The following SLC35F3 variants were observed in gnomAD, a reference collection of about 807,000 sequenced individuals.
SLC35F3 encodes putative thiamine transporter SLC35F3.
In SLC35F3, 25 loss-of-function variants were observed where a neutral mutation model predicts 49.9. The ratio of observed to expected loss-of-function variants is 0.50; its 90% CI spans 0.37 to 0.70. The LOEUF is 0.70. SLC35F3 is among the 30% of genes least tolerant of loss of function. The pLI is 0.00. For synonymous variants in SLC35F3, 275 were observed against 265.4 expected (o/e 1.04, Z -0.35); for missense variants, 525 against 639.8 (o/e 0.82, Z 1.94).
chr1:234,187,266 G>A (rs549121240), intron 2 of SLC35F3, among the ~76,000 whole-genome samples: 6 of 152,288 alleles, frequency 3.9e-5, no homozygotes, highest in African/African-American at 7.2e-5. Context: ...CCTCCTAGGC[G>A]AATGGAAAAC....
intron 3 of SLC35F3, among the ~76,000 whole-genome samples, chr1:234,257,773 C>G (rs1667844749): frequency 1.3e-5 from 2 of 152,170 alleles, no homozygotes; most frequent in South Asian, 2.1e-4. Context: ...ATAGCTAATA[C>G]AGTGGATGGC....
intron 2 of SLC35F3, among the ~76,000 whole-genome samples, chr1:234,121,891 A>G (rs576282818): frequency 6.6e-6 from 1 of 152,146 alleles, no homozygotes; most frequent in South Asian, 2.1e-4. Context: ...AAGGACATGA[A>G]CTCATCCTTT....
In SLC35F3 at chr1:234,017,668, C is replaced by T. The variant is rs567129413; in HGVS notation, c.283+111910C>T. Among the ~76,000 whole-genome samples, 7 of 142,696 alleles carry T rather than the reference C, an allele frequency of 4.9e-5. No individual in the cohort carries two copies. The East Asian group carries it at 6.3e-4, about 13-fold the overall frequency. 93.6% of individuals were successfully genotyped at this position (142,696 alleles called of 152,430 possible). ...GGCGGAGCTTGCAGTGAGCCGAGAT[C>T]GCACCACTGTACTCCAGCCTGGGAG... On this transcript the variant is annotated intron_variant, in intron 2 of 7. Coordinates refer to ENST00000366618, the MANE Select transcript of SLC35F3 (RefSeq NM_173508.4).
chr1:234,198,520 T>C (rs148279078), intron 2 of SLC35F3, among the ~76,000 whole-genome samples: 1 of 152,354 alleles, frequency 6.6e-6, no homozygotes, highest in Non-Finnish European at 1.5e-5. Flanking sequence ...ATGAGGACTG[T>C]AATTTCTCTA....
intron 3 of SLC35F3, among the ~76,000 whole-genome samples, chr1:234,245,439 G>GTTTATCACA (rs1422968520): frequency 6.6e-6 from 1 of 152,188 alleles, no homozygotes; most frequent in Non-Finnish European, 1.5e-5. Context: ...TGTGAGTGCA[G>GTTTATCACA]GTATCCCTTT....
At chr1:233,962,040 A>ATTCC (rs1662812992) in intron 2 of SLC35F3, among the ~76,000 whole-genome samples, 1 of 152,054 alleles carries the variant, frequency 6.6e-6, no homozygotes, top group East Asian at 1.9e-4. Flanking sequence ...TCATTCATTC[A>ATTCC]TTCATTCTAA....
chr1:234,074,533 G>A (rs765224143), intron 2 of SLC35F3, among the ~76,000 whole-genome samples: 1 of 152,210 alleles, frequency 6.6e-6, no homozygotes, highest in African/African-American at 2.4e-5. Flanking sequence ...AAGATGAAGT[G>A]GGGGAGGGTA....
At chr1:233,954,224 T>C (rs562112684) in intron 2 of SLC35F3, among the ~76,000 whole-genome samples, 1 of 152,286 alleles carries the variant, frequency 6.6e-6, no homozygotes, top group Non-Finnish European at 1.5e-5. Context: ...GCCAGGATGG[T>C]CTCCATCTCC....
chr1:234,051,589 A>G (rs1226247231), intron 2 of SLC35F3, among the ~76,000 whole-genome samples: 4 of 152,134 alleles, frequency 2.6e-5, no homozygotes, highest in East Asian at 1.9e-4. Context: ...CTGCAAACAG[A>G]GACAATTTGA....
At chr1:234,053,242 A>G (rs975510802) in intron 2 of SLC35F3, among the ~76,000 whole-genome samples, 1 of 152,146 alleles carries the variant, frequency 6.6e-6, no homozygotes, top group Non-Finnish European at 1.5e-5. Context: ...GTGGGGTGTT[A>G]AAGTCTCCCA....
At chr1:233,962,758 G>A (rs1207357133) in intron 2 of SLC35F3, among the ~76,000 whole-genome samples, 1 of 152,328 alleles carries the variant, frequency 6.6e-6, no homozygotes, top group East Asian at 1.9e-4. Flanking sequence ...ATCTCAGGCA[G>A]AATCTAAACA....
chr1:234,132,000 C>T (rs1380214043), intron 2 of SLC35F3, among the ~76,000 whole-genome samples: 3 of 152,088 alleles, frequency 2.0e-5, no homozygotes, highest in African/African-American at 7.2e-5. Context: ...CAGTTCTTTT[C>T]CCTAGAAGCA....
intron 2 of SLC35F3, among the ~76,000 whole-genome samples, chr1:234,149,118 A>G (rs1251959684): frequency 6.6e-6 from 1 of 152,216 alleles, no homozygotes; most frequent in Non-Finnish European, 1.5e-5. Flanking sequence ...ACATAAATGA[A>G]TGAAATCAAT....
At position 234,214,047 on chromosome 1, in the gene SLC35F3, A is replaced by C. The variant is rs1050148777; in HGVS notation, c.284-17370A>C. ...TAAGTTCTCAGGGTCTCCCCTCCGC[A>C]GGCGCTGGTCCTTTTAAAGGGCTTC... On this transcript the variant is annotated intron_variant, in intron 2 of 7. Transcript: ENST00000366618. This position sits in a 1 kb window ranked among gnomAD's most constrained non-coding sequence, Gnocchi z 8.0. The C allele has an allele frequency of 2.8e-6, 1 of 353,724 alleles. No individual in the cohort carries two copies. The allele number at this position is 353,724 out of a possible 1,614,324, so 21.9% of individuals were successfully genotyped here.
At chr1:234,299,185 C>T (rs1234696000) in intron 3 of SLC35F3, among the ~76,000 whole-genome samples, 2 of 152,132 alleles carry the variant, frequency 1.3e-5, no homozygotes, top group Non-Finnish European at 2.9e-5. Context: ...TTGACTGATA[C>T]CTAAACTGAA....
In SLC35F3 at chr1:233,905,130, T is replaced by A. The variant is rs1232510475; in HGVS notation, c.53T>A (p.Val18Asp). ...GCACCCAGGGGCAAGAGCATTGCCG[T>A]GTGAGTAGCGCCCCGGGCGTGGGTG... is the stretch of plus-strand genomic sequence containing the variant. ...SGAPRGKSIA[V>D]GMRRSPDVSP... The change falls in exon 1 of 8, where the codon GTT becomes GAT. Residue 18 changes from valine (V) to aspartate (D), a missense_variant and splice_region_variant. By Grantham distance (152) the Val-to-Asp change is radical. Coordinates refer to ENST00000366618, the MANE Select transcript of SLC35F3 (RefSeq NM_173508.4). 6.4e-7 allele frequency: 1 copy of A among 1,555,822 alleles called. No homozygotes were observed. Among genetic ancestry groups the A allele is most frequent in the Non-Finnish European group, 8.7e-7 (1 of 1,148,954 alleles).
At chr1:234,322,439 G>A (rs191505353) in intron 7 of SLC35F3, among the ~76,000 whole-genome samples, 4 of 152,074 alleles carry the variant, frequency 2.6e-5, no homozygotes, top group South Asian at 2.1e-4. Context: ...TAAGAAAATC[G>A]TAAGAAAGAG....
At chr1:234,075,424 G>A (rs1664777748) in intron 2 of SLC35F3, among the ~76,000 whole-genome samples, 1 of 152,210 alleles carries the variant, frequency 6.6e-6, no homozygotes, top group Non-Finnish European at 1.5e-5. Flanking sequence ...AAATACGGGA[G>A]CATTTGCAAA....
chr1:234,275,006 C>T (rs1181773542), intron 3 of SLC35F3, among the ~76,000 whole-genome samples: 1 of 152,196 alleles, frequency 6.6e-6, no homozygotes, highest in African/African-American at 2.4e-5. Context: ...ATTCCAGACC[C>T]TCACCACCTT....
Sources: allele counts gnomAD v4.1 joint callset (sites outside exome capture counted in the v4.1 genomes callset), GRCh38; gene constraint gnomAD v4.1.1; non-coding constraint Gnocchi (gnomAD v3.1); transcripts MANE v1.5; gene names NCBI Gene and HGNC (gene_info 2026-07-23, HGNC 2026-07-21).